The following ZNRF2 variants were observed in gnomAD, a reference collection of about 807,000 sequenced individuals.
ZNRF2 encodes E3 ubiquitin-protein ligase ZNRF2.
Under a neutral mutation model 20.4 loss-of-function variants are expected in ZNRF2, and 16 were observed. The ratio of observed to expected loss-of-function variants is 0.79; its 90% CI spans 0.53 to 1.19. ZNRF2 has a LOEUF of 1.19. Among genes scored for constraint, ZNRF2 ranks in the 50% most tolerant of loss-of-function variants. The probability of loss-of-function intolerance (pLI) is 0.00; values close to 1 mark genes in which losing one functional copy is unlikely to be tolerated. For missense variants in ZNRF2, 363 were observed against 332.4 expected, an observed-to-expected ratio of 1.09 and a Z score of -0.72; for synonymous variants, 178 against 144.9, an observed-to-expected ratio of 1.23 and a Z score of -1.64.
intron 2 of ZNRF2, among the ~76,000 whole-genome samples, chr7:30,340,423 A>G (rs1799776692): frequency 6.6e-6 from 1 of 152,214 alleles, no homozygotes; most frequent in Non-Finnish European, 1.5e-5. Context: ...CATTTCATCA[A>G]TACCTAGTTT....
chr7:30,305,164 A>G (rs1799179608), intron 1 of ZNRF2, among the ~76,000 whole-genome samples: 1 of 152,186 alleles, frequency 6.6e-6, no homozygotes, highest in Admixed American at 6.5e-5. Flanking sequence ...AGGACAGACT[A>G]TTTATACCAT....
chr7:30,326,751 C>A (rs1275312050), intron 2 of ZNRF2, among the ~76,000 whole-genome samples: 1 of 152,160 alleles, frequency 6.6e-6, no homozygotes, highest in Non-Finnish European at 1.5e-5. Flanking sequence ...ACACTCCCAC[C>A]AACAGTGTGT....
chr7:30,320,547 A>G (rs529663913), intron 1 of ZNRF2, among the ~76,000 whole-genome samples: 9 of 152,256 alleles, frequency 5.9e-5, no homozygotes, highest in Admixed American at 2.6e-4. Flanking sequence ...TTGAATTTCA[A>G]TATTTTTCAG....
intron 2 of ZNRF2, among the ~76,000 whole-genome samples, chr7:30,324,790 G>A (rs1001427887): frequency 6.6e-6 from 1 of 152,088 alleles, no homozygotes; most frequent in Admixed American, 6.6e-5. Flanking sequence ...AGTAAGCATG[G>A]TTGAAATTGC....
chr7:30,344,217 C>G (rs566233611), intron 2 of ZNRF2, among the ~76,000 whole-genome samples: 1 of 150,604 alleles, frequency 6.6e-6, no homozygotes, highest in Non-Finnish European at 1.5e-5. Flanking sequence ...CCACTGCGCC[C>G]GGCCCCAGCT....
In ZNRF2 at chr7:30,366,068, A is replaced by G. The variant is rs1423519483; in HGVS notation, c.*56A>G. On this transcript the variant is annotated 3_prime_UTR_variant, in exon 5 of 5. Transcript: ENST00000323037. The stretch of plus-strand genomic sequence containing the variant: ...GTCTTGACAAGATGCTTGAAAAACC[A>G]AGAGGATATGAAAATCTGTCTCTGG... The G allele has an allele frequency of 6.6e-6, 1 of 152,474 alleles. No individual in the cohort carries two copies. The highest frequency in any genetic ancestry group is 6.6e-5 in the Admixed American group (1 of 15,266). 9.4% of individuals were successfully genotyped at this position (152,474 alleles called of 1,614,324 possible). A position where few individuals can be genotyped will look rare whatever the true frequency, so the allele number is the denominator to read the frequency against.
chr7:30,285,267 G>C lies in ZNRF2; in HGVS notation c.-91G>C. The stretch of plus-strand genomic sequence containing the variant: ...GGGGCCTCTCTGGGCCGGCCGCGGC[G>C]CCTGGGCCCTGCCCTCTAGCTCCCG... On this transcript the variant is annotated 5_prime_UTR_variant, in exon 1 of 5. Coordinates refer to ENST00000323037, the MANE Select transcript of ZNRF2 (RefSeq NM_147128.4). 3 of 947,806 alleles carry C rather than the reference G, an allele frequency of 3.2e-6. No individual in the cohort carries two copies. The highest frequency in any genetic ancestry group is 3.8e-6 in the Non-Finnish European group (3 of 781,874). 58.7% of individuals were successfully genotyped at this position (947,806 alleles called of 1,614,324 possible).
chr7:30,286,909 T>G (rs768585480), intron 1 of ZNRF2, among the ~76,000 whole-genome samples: 4 of 152,232 alleles, frequency 2.6e-5, no homozygotes, highest in Admixed American at 2.0e-4. Flanking sequence ...GTAGGAACTT[T>G]GGAGACTTAG....
At chr7:30,312,973 ATATCTT>A (rs1429389969) in intron 1 of ZNRF2, among the ~76,000 whole-genome samples, 1 of 152,224 alleles carries the variant, frequency 6.6e-6, no homozygotes, top group African/African-American at 2.4e-5. Flanking sequence ...AATAATTTAT[ATATCTT>A]ATAATATTTT....
rs1452406737 is a variant in ZNRF2 at position 30,284,754 on chromosome 7, T to A, written c.-604T>A. 1.7e-4 allele frequency: 31 copies of A among 178,360 alleles called. No homozygotes were observed. Among genetic ancestry groups the A allele is most frequent in the South Asian group, 1.2e-3 (16 of 13,584 alleles). The allele number at this position is 178,360 out of a possible 1,614,324, so 11.0% of individuals were successfully genotyped here. On this transcript the variant is annotated 5_prime_UTR_variant, in exon 1 of 5. Transcript: ENST00000323037. ...TTCGCAGGGGGAGCGAGGCGACGGT[T>A]GCCGGGAAGCGCGCGCCACCTCTCC...
At chr7:30,306,251 A>G (rs1799203185) in intron 1 of ZNRF2, among the ~76,000 whole-genome samples, 1 of 152,180 alleles carries the variant, frequency 6.6e-6, no homozygotes, top group Non-Finnish European at 1.5e-5. Context: ...GTAAAGCATT[A>G]CATAAAATAC....
chr7:30,345,731 T>C (rs921378880), intron 2 of ZNRF2, among the ~76,000 whole-genome samples: 7 of 152,174 alleles, frequency 4.6e-5, no homozygotes, highest in Non-Finnish European at 8.8e-5. Flanking sequence ...CTCTGAGTTC[T>C]TCCCCTGATA....
At chr7:30,294,198 TTCTTTC>T (rs1168565850) in intron 1 of ZNRF2, among the ~76,000 whole-genome samples, 1 of 152,140 alleles carries the variant, frequency 6.6e-6, no homozygotes, top group Non-Finnish European at 1.5e-5. Flanking sequence ...GTTAATTTTG[TTCTTTC>T]TCTTAGCTTC....
At chr7:30,320,371 A>G (rs986584904) in intron 1 of ZNRF2, among the ~76,000 whole-genome samples, 3 of 152,222 alleles carry the variant, frequency 2.0e-5, no homozygotes. Flanking sequence ...GAATTTAGAA[A>G]TGGACAGGCT....
At chr7:30,357,317 C>G (rs191199549) in intron 3 of ZNRF2, among the ~76,000 whole-genome samples, 26 of 152,214 alleles carry the variant, frequency 1.7e-4, no homozygotes, top group Middle Eastern at 3.4e-3. Flanking sequence ...ATGCTGTACA[C>G]TGACTACTAT....
chr7:30,355,940 C>CA, intron 3 of ZNRF2, 107 bp downstream of exon 3: 2 of 683,200 alleles, frequency 2.9e-6, no homozygotes, highest in Admixed American at 5.2e-5. Flanking sequence ...CTCCCTGTCT[C>CA]ACACACACTT....
chr7:30,323,846 T>C lies in ZNRF2; in HGVS notation c.565+109T>C, dbSNP rs1799511966. On this transcript the variant is annotated intron_variant, in intron 2 of 4. Coordinates refer to ENST00000323037, the MANE Select transcript of ZNRF2 (RefSeq NM_147128.4). ...GGAGGGAAGGACATTGTTTTCTCTA[T>C]TTTTACTAGTGCATTAATGCAGTGG... 4.3e-6 allele frequency: 3 copies of C among 702,124 alleles called. No individual in the cohort carries two copies. The Admixed American group carries it at 1.1e-4, about 25-fold the overall frequency. 43.5% of individuals were successfully genotyped at this position (702,124 alleles called of 1,614,324 possible). A position where few individuals can be genotyped will look rare whatever the true frequency, so the allele number is the denominator to read the frequency against.
intron 3 of ZNRF2, 32 bp downstream of exon 3, chr7:30,355,865 G>T (rs763110379): frequency 3.2e-6 from 5 of 1,541,930 alleles, no homozygotes; most frequent in Non-Finnish European, 4.5e-6. Context: ...TAGAGTAAAA[G>T]ATTGTTCTCA....
intron 2 of ZNRF2, among the ~76,000 whole-genome samples, chr7:30,329,876 C>T (rs997209659): frequency 6.6e-6 from 1 of 152,108 alleles, no homozygotes; most frequent in East Asian, 1.9e-4. Context: ...TTTGAGGAAC[C>T]TCTGTACTGT....
Sources: gnomAD v4.1 joint callset for allele counts (sites outside exome capture counted in the v4.1 genomes callset) on GRCh38, gnomAD v4.1.1 for gene constraint, MANE v1.5 for transcripts, NCBI Gene and HGNC (gene_info 2026-07-23, HGNC 2026-07-21) for gene names.